Variants in GRM4 observed in about 807,000 individuals in gnomAD.
GRM4 encodes the protein glutamate metabotropic receptor 4, also known as metabotropic glutamate receptor 4.
GRM4 carries 28 observed loss-of-function variants against 81.7 expected under a neutral mutation model. The observed-to-expected ratio is 0.34, with a 90% CI of 0.25 to 0.47. GRM4 has a LOEUF of 0.47. Among genes scored for constraint, GRM4 ranks in the 20% least tolerant of loss-of-function variants. The pLI is 1.00. For missense variants in GRM4, 948 were observed against 1,290.0 expected, an observed-to-expected ratio of 0.73 and a Z score of 4.06; for synonymous variants, 488 against 528.8, an observed-to-expected ratio of 0.92 and a Z score of 1.06.
rs944846640 is a variant in GRM4, at chr6:34,048,386, T to G, written c.1169-7638A>C. Among the ~76,000 whole-genome samples, 4 of 148,286 alleles carry G rather than the reference T, an allele frequency of 2.7e-5. No homozygotes were observed. Among genetic ancestry groups the G allele is most frequent in the Non-Finnish European group, 6.0e-5 (4 of 66,952 alleles). ...CCAAGAAGGATCAGCTCTCGACTCC[T>G]GCCTGGTTCTGAGGCCAACACACCT... On this transcript the variant is annotated intron_variant, in intron 6 of 10. Coordinates refer to ENST00000538487, the MANE Select transcript of GRM4 (RefSeq NM_000841.4). The surrounding 1 kb of genome is among the most constrained non-coding windows in gnomAD (Gnocchi z 4.0).
At position 34,136,563 on chromosome 6, in the gene GRM4, GACACACACACACACACACACACAC is replaced by G. The variant is rs10635207; in HGVS notation, c.-363-2728_-363-2705del. On this transcript the variant is annotated intron_variant, in intron 1 of 10. Transcript: ENST00000538487. This position sits in a 1 kb window ranked among gnomAD's most constrained non-coding sequence, Gnocchi z 4.1. ...GCTGAGCAGTGCATGCGCGCGTGCG[GACACACACACACACACACACACAC>G]ACACACACACACACACACGGGGAAG... Among the ~76,000 whole-genome samples, 3 of 142,430 alleles carry G rather than the reference GACACACACACACACACACACACAC, an allele frequency of 2.1e-5. No homozygotes were observed. Among genetic ancestry groups the G allele is most frequent in the Non-Finnish European group, 3.0e-5 (2 of 66,278 alleles). 93.4% of individuals were successfully genotyped at this position (142,430 alleles called of 152,430 possible).
chr6:34,045,585 C>T (rs1170362874), intron 6 of GRM4, among the ~76,000 whole-genome samples: 2 of 152,252 alleles, frequency 1.3e-5, no homozygotes, highest in African/African-American at 2.4e-5. Flanking sequence ...CATTTAGCCG[C>T]TGACCTGCCT....
intron 2 of GRM4, among the ~76,000 whole-genome samples, chr6:34,099,713 C>T (rs1768731409): frequency 6.6e-6 from 1 of 152,142 alleles, no homozygotes; most frequent in African/African-American, 2.4e-5. Context: ...CATGGAGCTG[C>T]CCTGTCCCCA....
At chr6:34,095,044 G>A (rs773362198) in intron 2 of GRM4, among the ~76,000 whole-genome samples, 2 of 152,202 alleles carry the variant, frequency 1.3e-5, no homozygotes, top group Non-Finnish European at 2.9e-5. Context: ...TGGCACACTG[G>A]CCCTGGCCCA....
At chr6:34,101,169 C>T (rs1768817689) in intron 2 of GRM4, among the ~76,000 whole-genome samples, 1 of 152,156 alleles carries the variant, frequency 6.6e-6, no homozygotes, top group Non-Finnish European at 1.5e-5. Context: ...ATTAGATTCA[C>T]ACACACACAT....
intron 2 of GRM4, among the ~76,000 whole-genome samples, chr6:34,104,156 G>A (rs565719271): frequency 6.6e-6 from 1 of 152,260 alleles, no homozygotes; most frequent in Non-Finnish European, 1.5e-5. Flanking sequence ...CACAGGCAAT[G>A]ATGACCTTAG....
Position 34,052,227 on chromosome 6 carries a change from TGAGAG to T in GRM4, c.1168+4312_1168+4316del. Among the ~76,000 whole-genome samples, 2 of 152,348 alleles carry T rather than the reference TGAGAG, an allele frequency of 1.3e-5. 1 individual carries two copies. The highest frequency in any genetic ancestry group is 4.1e-4 in the South Asian group (2 of 4,830). On this transcript the variant is annotated intron_variant, in intron 6 of 10. Transcript: ENST00000538487. ...TCCCTCTCGCTCTCTGTGTGATGAC[TGAGAG>T]GTCTGTTCCTCTGTCCCAAGAGGAT... is the stretch of plus-strand genomic sequence containing the variant.
intron 6 of GRM4, among the ~76,000 whole-genome samples, chr6:34,053,477 G>C (rs535565075): frequency 6.6e-6 from 1 of 152,072 alleles, no homozygotes; most frequent in African/African-American, 2.4e-5. Flanking sequence ...GGCTCACAGC[G>C]CCTGGCCTGG....
Position 34,091,903 on chromosome 6 carries a change from A to AT in GRM4, c.715dup (p.Ile239AsnfsTer6). 6.2e-7 allele frequency: 1 copy of AT among 1,613,344 alleles called. No individual in the cohort carries two copies. Among genetic ancestry groups the AT allele is most frequent in the Non-Finnish European group, 8.5e-7 (1 of 1,179,502 alleles). ...CTCACCGTCCTCACGGGACTTCTGG[A>AT]TGAAGGCCTCCACACCGCTCTCACC... On this transcript the variant is annotated frameshift_variant, in exon 3 of 11. Transcript: ENST00000538487. LOFTEE classifies it high-confidence loss of function.
intron 1 of GRM4, chr6:34,154,978 G>T: frequency 5.9e-6 from 6 of 1,013,896 alleles, no homozygotes; most frequent in Non-Finnish European, 8.1e-6. Context: ...CCTGGGGCGG[G>T]TCCGAGCGGG....
intron 3 of GRM4, among the ~76,000 whole-genome samples, chr6:34,086,354 C>T (rs1011877850): frequency 6.6e-5 from 10 of 152,154 alleles, no homozygotes; most frequent in East Asian, 1.9e-4. Flanking sequence ...CCCTGGGAGT[C>T]GGAGCAGGAG....
At chr6:34,026,250 C>T (rs984116621) in intron 10 of GRM4, among the ~76,000 whole-genome samples, 5 of 152,184 alleles carry the variant, frequency 3.3e-5, no homozygotes, top group African/African-American at 1.2e-4. Context: ...ACTCCTCCTG[C>T]TCACACCCCC....
chr6:34,025,636 T>G (rs1215987082), intron 10 of GRM4, among the ~76,000 whole-genome samples: 1 of 152,160 alleles, frequency 6.6e-6, no homozygotes, highest in African/African-American at 2.4e-5. Context: ...GCCGTGAGTC[T>G]GCCCAGGGCC....
Position 34,115,950 on chromosome 6 carries a change from T to C in GRM4, c.519+17028A>G, listed in dbSNP as rs552908275. Among the ~76,000 whole-genome samples the C allele has an allele frequency of 6.6e-5, 10 of 152,318 alleles. No homozygotes were observed. The highest frequency in any genetic ancestry group is 4.1e-4 in the South Asian group (2 of 4,830). On this transcript the variant is annotated intron_variant, in intron 2 of 10. Transcript: ENST00000538487. The surrounding 1 kb of genome is among the most constrained non-coding windows in gnomAD (Gnocchi z 4.1). ...TGTTGGCCGCACCAGAAGAGGGCTT[T>C]AATTACATACAAGTGGGTTTTCTGC...
At chr6:34,109,980 CAT>C (rs1473825206) in intron 2 of GRM4, among the ~76,000 whole-genome samples, 3 of 152,282 alleles carry the variant, frequency 2.0e-5, no homozygotes, top group African/African-American at 7.2e-5. Context: ...TAGGTCCACA[CAT>C]GTGCACACAG....
In GRM4 at chr6:34,035,232, G is replaced by A. The variant is rs957733851; in HGVS notation, c.2442+436C>T. On this transcript the variant is annotated intron_variant, in intron 9 of 10. Transcript: ENST00000538487. The surrounding 1 kb of genome is among the most constrained non-coding windows in gnomAD (Gnocchi z 6.6). ...TCCAGGCTTATGGAGGGGGGAAGGG[G>A]TGAGAGAATAGGAGGAGGAAAGAAT... is the stretch of plus-strand genomic sequence containing the variant. Among the ~76,000 whole-genome samples the A allele has an allele frequency of 7.9e-5, 12 of 151,384 alleles. No homozygotes were observed. Among genetic ancestry groups the A allele is most frequent in the African/African-American group, 2.7e-4 (11 of 41,052 alleles).
In GRM4 at chr6:34,070,594, G is replaced by A. The variant is rs1007095782; in HGVS notation, c.737-8566C>T. On this transcript the variant is annotated intron_variant, in intron 3 of 10. Transcript: ENST00000538487. The surrounding 1 kb of genome is among the most constrained non-coding windows in gnomAD (Gnocchi z 4.6). ...GAGCGGGTAAGGCCTAGTGGGGTGG[G>A]GCTGCTGAGGCAGGAGGGCAGGAGC... is the stretch of plus-strand genomic sequence containing the variant. Among the ~76,000 whole-genome samples, 12 of 151,938 alleles carry A rather than the reference G, an allele frequency of 7.9e-5. No individual in the cohort carries two copies. The highest frequency in any genetic ancestry group is 2.9e-4 in the African/African-American group (12 of 41,320).
chr6:34,033,853 T>C (rs1349294638), intron 9 of GRM4, among the ~76,000 whole-genome samples: 2 of 152,178 alleles, frequency 1.3e-5, no homozygotes, highest in African/African-American at 4.8e-5. Context: ...TTCTCCTGCC[T>C]CAGCCTCCTG....
chr6:34,077,622 G>A (rs1179344060), intron 3 of GRM4, among the ~76,000 whole-genome samples: 2 of 152,102 alleles, frequency 1.3e-5, no homozygotes, highest in African/African-American at 4.8e-5. Flanking sequence ...CTGCAGGACT[G>A]ACTTCATCCA....
Sources: gnomAD v4.1 joint callset for allele counts (sites outside exome capture counted in the v4.1 genomes callset) on GRCh38, gnomAD v4.1.1 for gene constraint, Gnocchi (gnomAD v3.1) non-coding constraint, MANE v1.5 for transcripts, NCBI Gene and HGNC (gene_info 2026-07-23, HGNC 2026-07-21) for gene names.